The following GSTCD variants were observed in gnomAD, a reference collection of about 807,000 sequenced individuals.
GSTCD encodes glutathione S-transferase C-terminal domain-containing protein.
In GSTCD, 44 loss-of-function variants were observed where a neutral mutation model predicts 68.3. The ratio of observed to expected loss-of-function variants is 0.64; its 90% CI spans 0.51 to 0.83. The LOEUF is 0.83. GSTCD is among the 40% of genes least tolerant of loss of function. The probability of loss-of-function intolerance (pLI) is 0.00; values close to 1 mark genes in which losing one functional copy is unlikely to be tolerated. For synonymous variants in GSTCD, 273 were observed against 255.2 expected, an observed-to-expected ratio of 1.07 and a Z score of -0.67; for missense variants, 739 against 735.9, an observed-to-expected ratio of 1.00 and a Z score of -0.05.
Position 105,796,152 on chromosome 4 carries a change from C to T in GSTCD, c.1241-26802C>T, listed in dbSNP as rs1011778506. ...GGCTGGGGAGGCCTCACAATAATGA[C>T]GAAAGACAAGGGAGAGCAAGTCGTG... On this transcript the variant is annotated intron_variant, in intron 5 of 11. Transcript: ENST00000515279. 1.2e-4 allele frequency among the ~76,000 whole-genome samples: 18 copies of T among 152,092 alleles called. No individual in the cohort carries two copies. The South Asian group carries it at 1.5e-3, about 12-fold the overall frequency.
intron 6 of GSTCD, 62 bp downstream of exon 6, chr4:105,823,131 A>G: frequency 6.4e-7 from 1 of 1,565,448 alleles, no homozygotes; most frequent in Non-Finnish European, 8.8e-7. Context: ...TTTCTATATT[A>G]CATTCAAGGT....
chr4:105,739,368 C>T (rs1337206975), intron 5 of GSTCD, among the ~76,000 whole-genome samples: 1 of 152,046 alleles, frequency 6.6e-6, no homozygotes, highest in Non-Finnish European at 1.5e-5. Context: ...GTAGTGCTAG[C>T]CTCATAGATG....
chr4:105,823,608 GAAA>G (rs1438238720), intron 7 of GSTCD: 1 of 164,952 alleles, frequency 6.1e-6, no homozygotes, highest in African/African-American at 2.4e-5. Context: ...ATTGACCTCT[GAAA>G]CTTGCTGAGC....
Position 105,839,646 on chromosome 4 carries a change from A to AAGAG in GSTCD, c.1695+1770_1695+1773dup, listed in dbSNP as rs147101146. On this transcript the variant is annotated intron_variant, in intron 10 of 11. Coordinates refer to ENST00000515279, the MANE Select transcript of GSTCD (RefSeq NM_001370181.1). The stretch of plus-strand genomic sequence containing the variant: ...AGAGAGTGATACTCTGTCTCAAGAA[A>AAGAG]AGAGAGAGAGAGAGAGGAGAGAAGA... 6.6e-5 allele frequency among the ~76,000 whole-genome samples: 10 copies of AAGAG among 150,990 alleles called. No homozygotes were observed. In the South Asian group the frequency reaches 2.1e-3, roughly 31 times the overall value.
intron 5 of GSTCD, among the ~76,000 whole-genome samples, chr4:105,818,293 A>T (rs987981680): frequency 1.0e-5 from 1 of 96,434 alleles, no homozygotes; most frequent in East Asian, 4.3e-4. Flanking sequence ...CTTGAAAAAA[A>T]TTGTTATTGA....
chr4:105,804,890 A>G (rs935708368), intron 5 of GSTCD, among the ~76,000 whole-genome samples: 1 of 152,004 alleles, frequency 6.6e-6, no homozygotes, highest in African/African-American at 2.4e-5. Context: ...GAGAACATGC[A>G]GTGTTTGGTT....
chr4:105,781,514 C>G (rs998544520), intron 5 of GSTCD, among the ~76,000 whole-genome samples: 1 of 151,852 alleles, frequency 6.6e-6, no homozygotes. Context: ...GCCTTAGCCT[C>G]GCAAAGTGCC....
At chr4:105,731,262 G>T (rs528910351) in intron 5 of GSTCD, among the ~76,000 whole-genome samples, 1 of 152,202 alleles carries the variant, frequency 6.6e-6, no homozygotes, top group South Asian at 2.1e-4. Flanking sequence ...TTCCAATTTT[G>T]TGAAGAAAGT....
chr4:105,751,429 T>C (rs2149227527), intron 5 of GSTCD, among the ~76,000 whole-genome samples: 2 of 152,292 alleles, frequency 1.3e-5, no homozygotes, highest in South Asian at 4.1e-4. Context: ...CAAAGACATC[T>C]GAATATATTT....
At chr4:105,750,460 CAAA>C (rs1024094979) in intron 5 of GSTCD, among the ~76,000 whole-genome samples, 3 of 51,270 alleles carry the variant, frequency 5.9e-5, no homozygotes, top group Admixed American at 2.1e-4. Context: ...AACTCCGTCT[CAAA>C]AAAAAAAAAA....
intron 5 of GSTCD, among the ~76,000 whole-genome samples, chr4:105,806,050 C>G (rs1187740843): frequency 6.6e-6 from 1 of 151,942 alleles, no homozygotes; most frequent in Admixed American, 6.6e-5. Context: ...CTCCTTTTTC[C>G]TTAGTGTCTG....
intron 5 of GSTCD, among the ~76,000 whole-genome samples, chr4:105,804,196 A>T (rs943392948): frequency 6.6e-6 from 1 of 152,048 alleles, no homozygotes; most frequent in African/African-American, 2.4e-5. Context: ...TATTATTACA[A>T]TGTAAAACAT....
chr4:105,709,557 A>G (rs1296649767), intron 1 of GSTCD, among the ~76,000 whole-genome samples: 1 of 152,164 alleles, frequency 6.6e-6, no homozygotes, highest in East Asian at 1.9e-4. Context: ...ACTTCTATAG[A>G]AAGTTTAATT....
rs188747673 is a variant in GSTCD at position 105,755,481 on chromosome 4, A to C, written c.1240+25982A>C. 5.9e-5 allele frequency among the ~76,000 whole-genome samples: 9 copies of C among 152,282 alleles called. No individual in the cohort carries two copies. The East Asian group carries it at 1.4e-3, about 23-fold the overall frequency. ...TAGAGGAAAAACCAAAGTGTTTTTC[A>C]TACTCTAACTCAACACATTACTTCT... On this transcript the variant is annotated intron_variant, in intron 5 of 11. Transcript: ENST00000515279.
intron 5 of GSTCD, among the ~76,000 whole-genome samples, chr4:105,753,477 A>C (rs910063821): frequency 6.6e-6 from 1 of 152,014 alleles, no homozygotes; most frequent in South Asian, 2.1e-4. Context: ...TATTTGAAAA[A>C]AATTTGCATC....
intron 5 of GSTCD, among the ~76,000 whole-genome samples, chr4:105,774,953 T>C (rs1163812408): frequency 6.6e-6 from 1 of 152,178 alleles, no homozygotes; most frequent in African/African-American, 2.4e-5. Flanking sequence ...GGAGTGTTTT[T>C]CAACTAGGTT....
At chr4:105,810,250 T>G (rs922401432) in intron 5 of GSTCD, among the ~76,000 whole-genome samples, 2 of 152,120 alleles carry the variant, frequency 1.3e-5, no homozygotes, top group Non-Finnish European at 2.9e-5. Context: ...TTTTTTTTCT[T>G]CTATTTATTT....
chr4:105,838,363 A>AT (rs1329966217), intron 10 of GSTCD, among the ~76,000 whole-genome samples: 3 of 152,268 alleles, frequency 2.0e-5, no homozygotes, highest in Non-Finnish European at 2.9e-5. Flanking sequence ...AAGATAATCT[A>AT]TAACAGAGGA....
intron 5 of GSTCD, among the ~76,000 whole-genome samples, chr4:105,781,832 G>T (rs1735284909): frequency 6.7e-6 from 1 of 149,820 alleles, no homozygotes; most frequent in South Asian, 2.1e-4. Flanking sequence ...GATAATGCGG[G>T]TTTGGATGAA....
Sources: gnomAD v4.1 joint callset for allele counts (sites outside exome capture counted in the v4.1 genomes callset) on GRCh38, gnomAD v4.1.1 for gene constraint, MANE v1.5 for transcripts, NCBI Gene and HGNC (gene_info 2026-07-23, HGNC 2026-07-21) for gene names.